The following CEACAM20 variants were observed in gnomAD, a reference collection of about 807,000 sequenced individuals.
CEACAM20 encodes the protein CEA cell adhesion molecule 20, also known as cell adhesion molecule CEACAM20.
CEACAM20 carries 50 observed loss-of-function variants against 61.2 expected under a neutral mutation model. The observed-to-expected ratio is 0.82, with a 90% confidence interval of 0.65 to 1.03. The LOEUF is 1.03. CEACAM20 is among the 50% of genes least tolerant of loss of function. The pLI is 0.00. For synonymous variants in CEACAM20, 282 were observed against 287.7 expected (o/e 0.98, Z 0.20); for missense variants, 683 against 736.4 (o/e 0.93, Z 0.84).
At chr19:44,520,370 A>ATGAATTATT in intron 5 of CEACAM20, 104 bp downstream of exon 5, 1 of 1,439,300 alleles carries the variant, frequency 6.9e-7, no homozygotes, top group East Asian at 2.3e-5. Context: ...TGCCTGACAC[A>ATGAATTATT]GAGCAGGAGC....
At chr19:44,510,600 GAAA>G (rs1568446400) in intron 11 of CEACAM20, among the ~76,000 whole-genome samples, 2,502 of 74,206 alleles carry the variant, frequency 0.034, 135 homozygotes, top group East Asian at 0.099. Context: ...AAGAAAGAAA[GAAA>G]GAAAGAAAAA....
chr19:44,510,987 C>A, intron 11 of CEACAM20, 43 bp downstream of exon 11: 1 of 1,611,002 alleles, frequency 6.2e-7, no homozygotes, highest in Non-Finnish European at 8.5e-7. Context: ...AGATTGGTGA[C>A]AGATTTCCAC....
At position 44,513,199 on chromosome 19, in the gene CEACAM20, T is replaced by C; in HGVS notation, c.1400A>G (p.Tyr467Cys). Residue 467 changes from tyrosine (Y) to cysteine (C), a missense_variant, in exon 7 of 12, where the codon TAT becomes TGT. By Grantham distance (194) the Tyr-to-Cys change is radical. Coordinates refer to ENST00000614924, the MANE Select transcript of CEACAM20 (RefSeq NM_001102597.3). ...AVIAVASELGYFLCIRNARRP... is the reference protein window; with the variant it reads ...AVIAVASELGCFLCIRNARRP... ...TCTGGCATTTCTGATGCAGAGAAAA[T>C]AGCCCAGTTCTGAGGCCACAGCAAT... 4 of 1,613,348 alleles carry C rather than the reference T, an allele frequency of 2.5e-6. No individual in the cohort carries two copies. Among genetic ancestry groups the C allele is most frequent in the Middle Eastern group, 1.7e-4 (1 of 6,058 alleles).
At chr19:44,512,188 A>G in intron 8 of CEACAM20, 110 bp from the exon 9 acceptor site, 1 of 783,636 alleles carries the variant, frequency 1.3e-6, no homozygotes, top group Non-Finnish European at 2.2e-6. Context: ...AATCCTTCCC[A>G]GGACTCCCTG....
At chr19:44,510,632 AAG>A (rs1199456124) in intron 11 of CEACAM20, among the ~76,000 whole-genome samples, 6 of 145,436 alleles carry the variant, frequency 4.1e-5, no homozygotes, top group Admixed American at 6.9e-5. Flanking sequence ...GGAAGAAAGA[AAG>A]AGAAGAAAGA....
At chr19:44,527,093 T>G (rs539890378) in intron 1 of CEACAM20, among the ~76,000 whole-genome samples, 7 of 152,272 alleles carry the variant, frequency 4.6e-5, no homozygotes, top group African/African-American at 1.4e-4. Context: ...ATGAACTCTG[T>G]CACTTACTAG....
intron 4 of CEACAM20, 71 bp from the exon 5 acceptor site, chr19:44,520,823 C>A: frequency 1.3e-6 from 2 of 1,500,324 alleles, no homozygotes; most frequent in Non-Finnish European, 1.8e-6. Flanking sequence ...GTGGGGCCCA[C>A]AAGTTTTTCC....
chr19:44,514,164 T>G (rs1161622948), intron 6 of CEACAM20, among the ~76,000 whole-genome samples: 1 of 152,194 alleles, frequency 6.6e-6, no homozygotes, highest in Non-Finnish European at 1.5e-5. Flanking sequence ...TCTCATTTCT[T>G]CATCTGTAAA....
At chr19:44,514,411 TGG>T (rs1971095529) in intron 6 of CEACAM20, among the ~76,000 whole-genome samples, 1 of 150,482 alleles carries the variant, frequency 6.6e-6, no homozygotes, top group Non-Finnish European at 1.5e-5. Flanking sequence ...GGGAACTTCC[TGG>T]GGTGCTTCAG....
At position 44,520,743 on chromosome 19, in the gene CEACAM20, G is replaced by A; in HGVS notation, c.761C>T (p.Thr254Ile). 1 of 1,612,434 alleles carries A rather than the reference G, an allele frequency of 6.2e-7. No homozygotes were observed. The highest frequency in any genetic ancestry group is 1.1e-5 in the South Asian group (1 of 91,064). ...TLKVRVLETL[T>I]MPQVVPSSLN... is the part of the protein sequence containing the mutation. Reference sequence around the variant, plus strand: ...GCTTGAAGGCACGACTTGAGGCATGGTCAGTGTTTCTGGAAACACGTGGAG... The same window carrying A: ...GCTTGAAGGCACGACTTGAGGCATGATCAGTGTTTCTGGAAACACGTGGAG... Residue 254 changes from threonine (T) to isoleucine (I), a missense_variant, in exon 5 of 12, where the codon ACC becomes ATC. Physicochemically the swap from Thr to Ile is moderately conservative, Grantham distance 89. Coordinates refer to ENST00000614924, the MANE Select transcript of CEACAM20 (RefSeq NM_001102597.3).
In CEACAM20 at chr19:44,512,855, TAG is replaced by T. The variant is rs751847021; in HGVS notation, c.1513+11_1513+12del. 1.2e-6 allele frequency: 2 copies of T among 1,609,818 alleles called. No individual in the cohort carries two copies. Among genetic ancestry groups the T allele is most frequent in the East Asian group, 2.2e-5 (1 of 44,838 alleles). ...CCCCTGCCCCAGGCATCAGCCACCA[TAG>T]AGTCACTTACCGGAACTGGGCTCTG... On this transcript the variant is annotated intron_variant, in intron 8 of 11. Coordinates refer to ENST00000614924, the MANE Select transcript of CEACAM20 (RefSeq NM_001102597.3).
chr19:44,506,323 T>C (rs1346437785), intron 11 of CEACAM20, 109 bp from the exon 12 acceptor site: 2 of 899,258 alleles, frequency 2.2e-6, no homozygotes, highest in East Asian at 2.6e-5. Flanking sequence ...CTTTGGAAAT[T>C]CCAAAAATCT....
intron 10 of CEACAM20, 126 bp from the exon 11 acceptor site, chr19:44,511,281 G>T: frequency 7.4e-7 from 1 of 1,350,016 alleles, no homozygotes; most frequent in Non-Finnish European, 1.0e-6. Context: ...AGAATCAGAG[G>T]TGGAAGCAGG....
At chr19:44,515,053 G>C (rs1971115261) in intron 6 of CEACAM20, among the ~76,000 whole-genome samples, 1 of 152,032 alleles carries the variant, frequency 6.6e-6, no homozygotes, top group Admixed American at 6.6e-5. Flanking sequence ...GCCCCGGCTG[G>C]TCTTCAACTC....
At chr19:44,528,669 T>C (rs1971610755) in intron 1 of CEACAM20, among the ~76,000 whole-genome samples, 1 of 142,260 alleles carries the variant, frequency 7.0e-6, no homozygotes, top group Non-Finnish European at 1.5e-5. Flanking sequence ...TCTCTCTTTC[T>C]CTGTGTACAC....
At chr19:44,510,283 G>C (rs558475661) in intron 11 of CEACAM20, among the ~76,000 whole-genome samples, 1 of 151,814 alleles carries the variant, frequency 6.6e-6, no homozygotes, top group Non-Finnish European at 1.5e-5. Flanking sequence ...AGGCCAAGGC[G>C]GGCAGATCAA....
intron 4 of CEACAM20, 97 bp from the exon 5 acceptor site, chr19:44,520,849 T>C (rs1350404882): frequency 1.1e-4 from 30 of 282,856 alleles, no homozygotes; most frequent in East Asian, 9.1e-4. Context: ...TGCGTGCGTG[T>C]GTGTGTGTGT....
At chr19:44,517,363 G>T in intron 5 of CEACAM20, 139 bp from the exon 6 acceptor site, 2 of 1,110,990 alleles carry the variant, frequency 1.8e-6, no homozygotes, top group Non-Finnish European at 2.6e-6. Context: ...CTGACAAGCA[G>T]AGTGTGGTCC....
chr19:44,517,265 A>T (rs772518085), intron 5 of CEACAM20, 41 bp from the exon 6 acceptor site: 1 of 1,588,476 alleles, frequency 6.3e-7, no homozygotes, highest in Non-Finnish European at 8.5e-7. Context: ...GGCCCCCATC[A>T]GCGAGTCATC....
Sources: gnomAD v4.1 joint callset for allele counts (sites outside exome capture counted in the v4.1 genomes callset) on GRCh38, gnomAD v4.1.1 for gene constraint, MANE v1.5 for transcripts, NCBI Gene and HGNC (gene_info 2026-07-23, HGNC 2026-07-21) for gene names.